The following LRRC28 variants were observed in gnomAD, a reference collection of about 807,000 sequenced individuals.
LRRC28 encodes leucine rich repeat containing 28.
Under a neutral mutation model 45.7 loss-of-function variants are expected in LRRC28, and 39 were observed. That is an observed-to-expected ratio of 0.85 (90% CI 0.66 to 1.12). LRRC28 has a LOEUF of 1.12. LRRC28 is among the 50% of genes most tolerant of loss of function. The pLI, the probability that LRRC28 is intolerant of heterozygous loss-of-function variation, is 0.00. For missense variants in LRRC28, 435 were observed against 438.5 expected (o/e 0.99, Z 0.07); for synonymous variants, 206 against 178.8 (o/e 1.15, Z -1.22).
At chr15:99,305,452 A>G (rs1246018811) in intron 5 of LRRC28, among the ~76,000 whole-genome samples, 2 of 152,190 alleles carry the variant, frequency 1.3e-5, no homozygotes. Context: ...TTACAGAACT[A>G]AAGTAAAATG....
At chr15:99,302,359 TTGTG>T (rs1381285198) in intron 5 of LRRC28, among the ~76,000 whole-genome samples, 1 of 151,816 alleles carries the variant, frequency 6.6e-6, no homozygotes, top group Admixed American at 6.6e-5. Flanking sequence ...TTGATTTTCT[TTGTG>T]TGGGTGTGTG....
chr15:99,335,793 T>C (rs1956303085), intron 6 of LRRC28, among the ~76,000 whole-genome samples: 1 of 151,968 alleles, frequency 6.6e-6, no homozygotes, highest in African/African-American at 2.4e-5. Context: ...CCCTTCCAAG[T>C]GATTGCCAGG....
intron 5 of LRRC28, among the ~76,000 whole-genome samples, chr15:99,290,651 T>C (rs141103701): frequency 6.6e-6 from 1 of 152,092 alleles, no homozygotes; most frequent in African/African-American, 2.4e-5. Flanking sequence ...TTAAAGAATA[T>C]ACAAAAAATA....
chr15:99,304,446 T>G (rs963244924), intron 5 of LRRC28, among the ~76,000 whole-genome samples: 1 of 152,100 alleles, frequency 6.6e-6, no homozygotes, highest in African/African-American at 2.4e-5. Context: ...TTCTTTTTTT[T>G]TCAAGACAGG....
At chr15:99,302,702 C>T (rs1196345123) in intron 5 of LRRC28, among the ~76,000 whole-genome samples, 4 of 152,278 alleles carry the variant, frequency 2.6e-5, no homozygotes, top group South Asian at 2.1e-4. Context: ...CAAAAAGTTC[C>T]CTGGTGCCTG....
chr15:99,307,019 G>A (rs532711027), intron 5 of LRRC28, among the ~76,000 whole-genome samples: 10 of 152,190 alleles, frequency 6.6e-5, no homozygotes, highest in African/African-American at 9.7e-5. Context: ...TTTCTTCAGC[G>A]TCTGCCATTC....
chr15:99,287,607 T>A (rs914221229), intron 4 of LRRC28, among the ~76,000 whole-genome samples: 1 of 152,204 alleles, frequency 6.6e-6, no homozygotes, highest in Non-Finnish European at 1.5e-5. Flanking sequence ...TGTTTTTATT[T>A]GTGCTGTATT....
At chr15:99,380,631 A>G (rs571741697) in intron 9 of LRRC28, among the ~76,000 whole-genome samples, 148 of 152,306 alleles carry the variant, frequency 9.7e-4, no homozygotes, top group African/African-American at 3.2e-3. Flanking sequence ...CCTAGCATCT[A>G]TGGTCTTTAC....
chr15:99,360,365 C>T lies in LRRC28; in HGVS notation c.696-971C>T, dbSNP rs147563470. On this transcript the variant is annotated intron_variant, in intron 7 of 9. Transcript: ENST00000301981. ...CCCTGGACAGAGTCAGTCAACCCTT[C>T]TTTGCCCCCACATTAGAATAATTGT... Among the ~76,000 whole-genome samples the T allele has an allele frequency of 3.6e-3, 545 of 152,216 alleles. 1 individual carries two copies. Among genetic ancestry groups the T allele is most frequent in the Non-Finnish European group, 4.5e-3 (308 of 68,010 alleles).
At chr15:99,278,363 C>T (rs2152181376) in intron 3 of LRRC28, among the ~76,000 whole-genome samples, 1 of 152,356 alleles carries the variant, frequency 6.6e-6, no homozygotes, top group East Asian at 1.9e-4. Context: ...ATTCTCCTGC[C>T]TCAGCCTCCT....
At chr15:99,292,127 T>C (rs1220574712) in intron 5 of LRRC28, among the ~76,000 whole-genome samples, 1 of 152,204 alleles carries the variant, frequency 6.6e-6, no homozygotes, top group Non-Finnish European at 1.5e-5. Context: ...CCTGTAAAGG[T>C]TGACTGTCAT....
intron 6 of LRRC28, among the ~76,000 whole-genome samples, chr15:99,336,838 T>C (rs1032028371): frequency 6.6e-6 from 1 of 152,220 alleles, no homozygotes; most frequent in Admixed American, 6.5e-5. Context: ...TTTGGAGGTG[T>C]GCTCCTAATA....
At chr15:99,262,081 A>G (rs2081212905) in intron 2 of LRRC28, among the ~76,000 whole-genome samples, 1 of 152,110 alleles carries the variant, frequency 6.6e-6, no homozygotes, top group Non-Finnish European at 1.5e-5. Context: ...AATTACATAT[A>G]TTTTTTATTT....
chr15:99,345,650 C>T (rs1009738573), intron 6 of LRRC28, among the ~76,000 whole-genome samples: 2 of 152,108 alleles, frequency 1.3e-5, no homozygotes, highest in African/African-American at 4.8e-5. Flanking sequence ...ATAGTTTTCC[C>T]ATCTATATTT....
intron 9 of LRRC28, among the ~76,000 whole-genome samples, 164 bp from the exon 10 acceptor site, chr15:99,385,866 T>G (rs1957970594): frequency 6.6e-6 from 1 of 152,198 alleles, no homozygotes; most frequent in Non-Finnish European, 1.5e-5. Context: ...ATACTTCACC[T>G]GATTCCAGTG....
At chr15:99,334,229 T>C in intron 6 of LRRC28, 100 bp downstream of exon 6, 2 of 1,312,702 alleles carry the variant, frequency 1.5e-6, no homozygotes, top group Non-Finnish European at 2.1e-6. Context: ...CTTCTGTTTA[T>C]CTTGACGATT....
chr15:99,345,130 C>T (rs896348954), intron 6 of LRRC28, among the ~76,000 whole-genome samples: 3 of 151,976 alleles, frequency 2.0e-5, no homozygotes, highest in African/African-American at 7.3e-5. Context: ...TTATTTTCCC[C>T]ATTATACAGA....
chr15:99,313,017 AC>A (rs1199644977), intron 5 of LRRC28, among the ~76,000 whole-genome samples: 1 of 152,176 alleles, frequency 6.6e-6, no homozygotes, highest in Non-Finnish European at 1.5e-5. Context: ...ATAAAGCAAG[AC>A]CCAAACTATA....
chr15:99,355,221 A>G (rs1957012292), intron 7 of LRRC28, among the ~76,000 whole-genome samples: 1 of 152,260 alleles, frequency 6.6e-6, no homozygotes, highest in Non-Finnish European at 1.5e-5. Flanking sequence ...GCACAGTGCT[A>G]GAAATTGTGG....
Sources: gnomAD v4.1 joint callset for allele counts (sites outside exome capture counted in the v4.1 genomes callset) on GRCh38, gnomAD v4.1.1 for gene constraint, MANE v1.5 for transcripts, NCBI Gene and HGNC (gene_info 2026-07-23, HGNC 2026-07-21) for gene names.